Variants in CHD9 observed in about 807,000 individuals in gnomAD.
The protein encoded by CHD9 is ATP-dependent chromatin remodeler CHD9.
In CHD9, 77 loss-of-function variants were observed where a neutral mutation model predicts 316.1. The ratio of observed to expected loss-of-function variants is 0.24; its 90% CI spans 0.20 to 0.29. The LOEUF (loss-of-function observed/expected upper bound fraction) is 0.29, where lower values mean the gene tolerates loss of function less well. CHD9 is among the 10% of genes least tolerant of loss of function. CHD9 has a pLI of 1.00. For synonymous variants in CHD9, 1,129 were observed against 1,158.3 expected (o/e 0.97, Z 0.51); for missense variants, 2,763 against 3,438.1 (o/e 0.80, Z 4.91).
chr16:53,120,082 A>C (rs2038623363), intron 1 of CHD9, among the ~76,000 whole-genome samples: 1 of 151,884 alleles, frequency 6.6e-6, no homozygotes, highest in African/African-American at 2.4e-5. Context: ...AAAATTAAAA[A>C]ATTAGCTGGT....
At chr16:53,099,854 G>C (rs1004007489) in intron 1 of CHD9, among the ~76,000 whole-genome samples, 1 of 152,252 alleles carries the variant, frequency 6.6e-6, no homozygotes, top group Non-Finnish European at 1.5e-5. Context: ...CTGCAGACCA[G>C]GCGCCCCGGG....
Position 53,313,352 on chromosome 16 carries a change from C to T in CHD9, c.7223-1025C>T, listed in dbSNP as rs558592714. 6.0e-4 allele frequency among the ~76,000 whole-genome samples: 91 copies of T among 152,162 alleles called. 1 individual carries two copies. Among genetic ancestry groups the T allele is most frequent in the Middle Eastern group, 3.4e-3 (1 of 294 alleles). ...ACAGAGTCTCATTCTGTTGCCCAGG[C>T]TGGAGTGCAGTGGCATGATCTCGGC... is the stretch of plus-strand genomic sequence containing the variant. On this transcript the variant is annotated intron_variant, in intron 34 of 38. Coordinates refer to ENST00000447540, the MANE Select transcript of CHD9 (RefSeq NM_001308319.2).
chr16:53,149,211 C>T (rs1285151411), intron 1 of CHD9, among the ~76,000 whole-genome samples: 4 of 152,086 alleles, frequency 2.6e-5, no homozygotes, highest in African/African-American at 7.2e-5. Context: ...ATCTGCACTC[C>T]GGAAGAATGT....
At chr16:53,257,318 A>G (rs1027049269) in intron 19 of CHD9, among the ~76,000 whole-genome samples, 5 of 152,198 alleles carry the variant, frequency 3.3e-5, no homozygotes, top group Admixed American at 3.3e-4. Flanking sequence ...GGAATTTGAA[A>G]TTGATCCTAA....
intron 1 of CHD9, among the ~76,000 whole-genome samples, chr16:53,128,739 T>TGAATTTTG (rs1408672666): frequency 6.6e-6 from 1 of 152,214 alleles, no homozygotes; most frequent in Non-Finnish European, 1.5e-5. Context: ...CCACAGTTAC[T>TGAATTTTG]GAGAATACCT....
intron 3 of CHD9, among the ~76,000 whole-genome samples, chr16:53,213,792 T>C (rs1179425351): frequency 6.6e-6 from 1 of 152,198 alleles, no homozygotes; most frequent in African/African-American, 2.4e-5. Flanking sequence ...TTTACTTCTG[T>C]TATAGATTTT....
intron 29 of CHD9, among the ~76,000 whole-genome samples, chr16:53,293,412 C>T (rs2054518077): frequency 6.6e-6 from 1 of 151,698 alleles, no homozygotes; most frequent in African/African-American, 2.4e-5. Context: ...CTCAGGATTT[C>T]GAGACCAGCC....
At chr16:53,139,513 G>C (rs1208745586) in intron 1 of CHD9, among the ~76,000 whole-genome samples, 2 of 152,082 alleles carry the variant, frequency 1.3e-5, no homozygotes, top group Non-Finnish European at 2.9e-5. Context: ...AAGTCACAAG[G>C]GTATTGAAGG....
At chr16:53,161,525 C>G (rs977586517) in intron 2 of CHD9, among the ~76,000 whole-genome samples, 3 of 151,980 alleles carry the variant, frequency 2.0e-5, no homozygotes, top group African/African-American at 7.2e-5. Context: ...TCATTTTAGA[C>G]TAAATTAACA....
At chr16:53,300,194 A>G (rs970073106) in intron 30 of CHD9, among the ~76,000 whole-genome samples, 3 of 152,114 alleles carry the variant, frequency 2.0e-5, no homozygotes, top group Non-Finnish European at 4.4e-5. Context: ...TCTACTAAAG[A>G]TACAAAAAAT....
At chr16:53,310,435 C>T (rs983125265) in intron 34 of CHD9, among the ~76,000 whole-genome samples, 11 of 152,090 alleles carry the variant, frequency 7.2e-5, no homozygotes, top group Non-Finnish European at 1.6e-4. Flanking sequence ...TTTAAAACTC[C>T]ACTGTAAAGT....
chr16:53,200,946 C>T (rs988582024), intron 2 of CHD9, among the ~76,000 whole-genome samples: 3 of 152,152 alleles, frequency 2.0e-5, no homozygotes, highest in African/African-American at 7.2e-5. Context: ...ATGCCTGACA[C>T]CATGCTAAAG....
chr16:53,088,617 A>G (rs1009062163), intron 1 of CHD9, among the ~76,000 whole-genome samples: 5 of 151,888 alleles, frequency 3.3e-5, no homozygotes, highest in Admixed American at 6.6e-5. Context: ...CACTGCATCT[A>G]TAGGGACTGA....
At chr16:53,269,620 G>T (rs1319846509) in intron 22 of CHD9, among the ~76,000 whole-genome samples, 2 of 152,098 alleles carry the variant, frequency 1.3e-5, no homozygotes, top group Non-Finnish European at 2.9e-5. Flanking sequence ...TAGGTAGATG[G>T]AAGAATCACA....
chr16:53,317,225 T>A (rs1431128941), intron 36 of CHD9, among the ~76,000 whole-genome samples: 2 of 148,896 alleles, frequency 1.3e-5, no homozygotes, highest in African/African-American at 5.0e-5. Flanking sequence ...AAACAGTGAC[T>A]AGTCTAATAT....
intron 2 of CHD9, among the ~76,000 whole-genome samples, chr16:53,198,023 A>G (rs2045089314): frequency 6.6e-6 from 1 of 151,970 alleles, no homozygotes; most frequent in South Asian, 2.1e-4. Flanking sequence ...CCCTTCCTAC[A>G]TAGCCAATTA....
At chr16:53,081,216 T>C (rs557085167) in intron 1 of CHD9, among the ~76,000 whole-genome samples, 1 of 152,326 alleles carries the variant, frequency 6.6e-6, no homozygotes, top group South Asian at 2.1e-4. Flanking sequence ...TCCCAGGGAC[T>C]GTCAAAGGCA....
At chr16:53,101,186 C>G (rs1291787617) in intron 1 of CHD9, among the ~76,000 whole-genome samples, 1 of 151,696 alleles carries the variant, frequency 6.6e-6, no homozygotes, top group Non-Finnish European at 1.5e-5. Context: ...TCCTTTATAT[C>G]AAGAAAAGCA....
At chr16:53,310,857 C>CAATAATAAG (rs1555547798) in intron 34 of CHD9, 1 of 138,922 alleles carries the variant, frequency 7.2e-6, no homozygotes. Context: ...GTCTCAAAAA[C>CAATAATAAG]AATAATAATA....
Sources: gnomAD v4.1 joint callset for allele counts (sites outside exome capture counted in the v4.1 genomes callset) on GRCh38, gnomAD v4.1.1 for gene constraint, MANE v1.5 for transcripts, NCBI Gene and HGNC (gene_info 2026-07-23, HGNC 2026-07-21) for gene names.